EXD3: variants seen among roughly 807,000 people sequenced by gnomAD.
EXD3 encodes exonuclease 3'-5' domain containing 3, also known as exonuclease mut-7 homolog.
A neutral mutation model predicts 98.0 loss-of-function variants in EXD3; 92 were observed. The ratio of observed to expected loss-of-function variants is 0.94; its 90% CI spans 0.79 to 1.12. The LOEUF is 1.12. Ranked by LOEUF, EXD3 falls within the 50% of genes most tolerant of loss-of-function variation. EXD3 has a pLI of 0.00. For missense variants in EXD3, 1,222 were observed against 1,191.6 expected, an observed-to-expected ratio of 1.03 and a Z score of -0.38; for synonymous variants, 569 against 526.0, an observed-to-expected ratio of 1.08 and a Z score of -1.12.
At chr9:137,319,155 A>T (rs1831885328) in intron 19 of EXD3, among the ~76,000 whole-genome samples, 2 of 152,260 alleles carry the variant, frequency 1.3e-5, no homozygotes. Context: ...GGGCAGCTCC[A>T]GGGCGGAGGG....
chr9:137,373,225 G>A (rs897862832), intron 4 of EXD3, among the ~76,000 whole-genome samples, 153 bp from the exon 5 acceptor site: 6 of 152,242 alleles, frequency 3.9e-5, no homozygotes, highest in Admixed American at 2.0e-4. Context: ...CGGGAGGGGC[G>A]AGGCCGGTCT....
chr9:137,331,257 A>G (rs1833050800), intron 17 of EXD3, among the ~76,000 whole-genome samples: 1 of 152,164 alleles, frequency 6.6e-6, no homozygotes, highest in African/African-American at 2.4e-5. Context: ...ACATACCTCA[A>G]AATGATAATA....
chr9:137,415,496 G>A (rs1327036454), intron 1 of EXD3, among the ~76,000 whole-genome samples: 1 of 152,148 alleles, frequency 6.6e-6, no homozygotes. Context: ...TCCTGCCCAG[G>A]CTGCGGTTTT....
chr9:137,382,292 T>C (rs1015584757), intron 3 of EXD3, among the ~76,000 whole-genome samples: 1 of 149,884 alleles, frequency 6.7e-6, no homozygotes, highest in Non-Finnish European at 1.5e-5. Context: ...GCCCTGTCTG[T>C]GTATAAACAA....
intron 17 of EXD3, among the ~76,000 whole-genome samples, chr9:137,337,706 G>A (rs1265362210): frequency 2.0e-5 from 3 of 151,870 alleles, no homozygotes; most frequent in African/African-American, 7.3e-5. Flanking sequence ...CTGAGTGTGT[G>A]CATATGTTGG....
intron 3 of EXD3, among the ~76,000 whole-genome samples, chr9:137,379,693 T>C (rs1836129383): frequency 6.6e-6 from 1 of 151,990 alleles, no homozygotes; most frequent in Admixed American, 6.5e-5. Flanking sequence ...GTCGTGCATC[T>C]TACCCCAATA....
chr9:137,354,014 G>A lies in EXD3; in HGVS notation c.870+325C>T, dbSNP rs769491152. ...TTCCTCCTTCCGGCCTCGCCCAGGC[G>A]CCTTGCACCTCTCTGGTGACTCTCA... On this transcript the variant is annotated intron_variant, in intron 10 of 21. Coordinates refer to ENST00000340951, the MANE Select transcript of EXD3 (RefSeq NM_017820.5). 9 of 1,156,220 alleles carry A rather than the reference G, an allele frequency of 7.8e-6. No homozygotes were observed. The Admixed American group carries it at 2.3e-4, about 30-fold the overall frequency. 71.6% of individuals were successfully genotyped at this position (1,156,220 alleles called of 1,614,324 possible).
At chr9:137,422,725 C>G (rs2131858789) in intron 1 of EXD3, among the ~76,000 whole-genome samples, 1 of 152,298 alleles carries the variant, frequency 6.6e-6, no homozygotes, top group South Asian at 2.1e-4. Context: ...TCCCTTCTCC[C>G]GGGGAGGGCA....
chr9:137,407,652 A>T lies in EXD3; in HGVS notation c.-47-12248T>A, dbSNP rs1457048457. On this transcript the variant is annotated intron_variant, in intron 1 of 21. Transcript: ENST00000340951. The surrounding 1 kb of genome is among the most constrained non-coding windows in gnomAD (Gnocchi z 4.4). ...CAGACCCCAGAGTGCGGCCCCCCAG[A>T]CACACCCACGGCCGTCCACCATCCA... is the stretch of plus-strand genomic sequence containing the variant. Among the ~76,000 whole-genome samples, 1 of 152,154 alleles carries T rather than the reference A, an allele frequency of 6.6e-6. No homozygotes were observed. Among genetic ancestry groups the T allele is most frequent in the African/African-American group, 2.4e-5 (1 of 41,440 alleles).
chr9:137,355,129 G>A (rs947775891), intron 8 of EXD3, among the ~76,000 whole-genome samples: 1 of 152,290 alleles, frequency 6.6e-6, no homozygotes, highest in East Asian at 1.9e-4. Context: ...GGACAGAGCC[G>A]GCTGCTCACT....
At chr9:137,333,074 A>T (rs1793454191) in intron 17 of EXD3, among the ~76,000 whole-genome samples, 1 of 152,164 alleles carries the variant, frequency 6.6e-6, no homozygotes, top group Non-Finnish European at 1.5e-5. Context: ...AGAATAAAGC[A>T]CGCAGGAGAA....
At chr9:137,321,128 C>G (rs1256818467) in intron 19 of EXD3, among the ~76,000 whole-genome samples, 2 of 152,254 alleles carry the variant, frequency 1.3e-5, no homozygotes, top group African/African-American at 2.4e-5. Context: ...GGCTGCAGAT[C>G]CGAGCCGAGC....
At position 137,371,099 on chromosome 9, in the gene EXD3, C is replaced by A. The variant is rs1407412268; in HGVS notation, c.462+1806G>T. Among the ~76,000 whole-genome samples the A allele has an allele frequency of 3.3e-5, 5 of 152,202 alleles. No homozygotes were observed. Among genetic ancestry groups the A allele is most frequent in the Non-Finnish European group, 5.9e-5 (4 of 68,032 alleles). ...GAAGGGGCCTGTGCGGGACAAGACCCCCTTTGTGTGGGGATTCCTGCCTCG... is the reference window on the plus strand; with the variant it reads ...GAAGGGGCCTGTGCGGGACAAGACCACCTTTGTGTGGGGATTCCTGCCTCG... On this transcript the variant is annotated intron_variant, in intron 5 of 21. Coordinates refer to ENST00000340951, the MANE Select transcript of EXD3 (RefSeq NM_017820.5). The surrounding 1 kb of genome is among the most constrained non-coding windows in gnomAD (Gnocchi z 8.0).
At chr9:137,398,749 C>T (rs1403265231) in intron 1 of EXD3, among the ~76,000 whole-genome samples, 4 of 147,592 alleles carry the variant, frequency 2.7e-5, no homozygotes, top group Admixed American at 1.3e-4. Flanking sequence ...CCCGCGTCCC[C>T]GAGACACACA....
chr9:137,398,589 ACCGCGTCCCCAAGACACACTGGCAC>A (rs1564208443), intron 1 of EXD3, among the ~76,000 whole-genome samples: 5 of 110,172 alleles, frequency 4.5e-5, no homozygotes, highest in African/African-American at 1.2e-4. Context: ...CACACAGGCA[ACCGCGTCCCCAAGACACACTGGCAC>A]CCGCGTCCCC....
At chr9:137,368,263 A>C (rs72765145) in intron 5 of EXD3, among the ~76,000 whole-genome samples, 391 of 152,336 alleles carry the variant, frequency 2.6e-3, no homozygotes, top group Non-Finnish European at 4.1e-3. Flanking sequence ...GTGGCTGGCC[A>C]CACAGCCTGG....
Position 137,309,703 on chromosome 9 carries a change from G to T in EXD3, c.2185-3C>A. 6.4e-7 allele frequency: 1 copy of T among 1,550,540 alleles called. No individual in the cohort carries two copies. The highest frequency in any genetic ancestry group is 8.7e-7 in the Non-Finnish European group (1 of 1,147,014). On this transcript the variant is annotated splice_polypyrimidine_tract_variant and splice_region_variant and intron_variant, in intron 19 of 21. Coordinates refer to ENST00000340951, the MANE Select transcript of EXD3 (RefSeq NM_017820.5). ...AGGTACTGGTCACAGTTACAGGCCTGGGGGCCAGAGGGGGTGCTGAGGCCC... is the reference window on the plus strand; with the variant it reads ...AGGTACTGGTCACAGTTACAGGCCTTGGGGCCAGAGGGGGTGCTGAGGCCC...
Position 137,323,821 on chromosome 9 carries a change from C to G in EXD3, c.2088G>C (p.Ser696=), listed in dbSNP as rs781747646. Residue 696 remains serine, a synonymous_variant, in exon 19 of 22, where the codon TCG becomes TCC. Transcript: ENST00000340951. ...GCTGGGCCTTCAGGGAGCAGTCGAC[C>G]GAGAGGCAGCGCCCAGCCCCGACCT... is the stretch of plus-strand genomic sequence containing the variant. The part of the protein sequence containing the change: ...RAQVGAGRCL[S]VDCSLKAQQQ... 5 of 1,612,008 alleles carry G rather than the reference C, an allele frequency of 3.1e-6. No individual in the cohort carries two copies. The highest frequency in any genetic ancestry group is 1.7e-5 in the Admixed American group (1 of 59,990).
chr9:137,321,197 G>C (rs574360433), intron 19 of EXD3, among the ~76,000 whole-genome samples: 3 of 152,246 alleles, frequency 2.0e-5, no homozygotes, highest in Non-Finnish European at 4.4e-5. Flanking sequence ...CTGAGGCTGT[G>C]GGGGCAGAAG....
Sources: gnomAD v4.1 joint callset for allele counts (sites outside exome capture counted in the v4.1 genomes callset) on GRCh38, gnomAD v4.1.1 for gene constraint, Gnocchi (gnomAD v3.1) non-coding constraint, MANE v1.5 for transcripts, NCBI Gene and HGNC (gene_info 2026-07-23, HGNC 2026-07-21) for gene names.